Variants in ARHGAP18 observed in about 807,000 individuals in gnomAD.
ARHGAP18 encodes the protein rho GTPase-activating protein 18.
ARHGAP18 carries 67 observed loss-of-function variants against 86.2 expected under a neutral mutation model. That is an observed-to-expected ratio of 0.78 (90% CI 0.64 to 0.95). The LOEUF (loss-of-function observed/expected upper bound fraction) is 0.95. Ranked by LOEUF, ARHGAP18 falls within the 40% of genes least tolerant of loss-of-function variation. The pLI is 0.00. For synonymous variants in ARHGAP18, 283 were observed against 280.4 expected (o/e 1.01, Z -0.09); for missense variants, 691 against 780.4 (o/e 0.89, Z 1.37).
chr6:129,640,056 AAAAAAAAACAAAC>A (rs1246332871), intron 2 of ARHGAP18, among the ~76,000 whole-genome samples: 20 of 151,304 alleles, frequency 1.3e-4, no homozygotes, highest in Non-Finnish European at 2.5e-4. Context: ...AAAAAAAAAA[AAAAAAAAACAAAC>A]AAAAGTCAGC....
chr6:129,599,271 T>C lies in ARHGAP18; in HGVS notation c.1658A>G (p.Lys553Arg). 6.3e-7 allele frequency: 1 copy of C among 1,596,718 alleles called. No homozygotes were observed. Among genetic ancestry groups the C allele is most frequent in the Non-Finnish European group, 8.5e-7 (1 of 1,174,052 alleles). Reference protein sequence around the residue: ...KDKRAMKKLLKKMAYDREKYE... With the variant: ...KDKRAMKKLLRKMAYDREKYE... ...TTTTTCTCGGTCATAAGCCATTTTC[T>C]TCAGCAATTTCTTCATGGCTCTTTT... The change falls in exon 12 of 15, where the codon AAG becomes AGG. Residue 553 changes from lysine to arginine, a missense_variant. Physicochemically the swap from Lys to Arg is conservative, Grantham distance 26 (BLOSUM62 2). Transcript: ENST00000368149.
chr6:129,701,032 C>T (rs1000273311), intron 1 of ARHGAP18, among the ~76,000 whole-genome samples: 1 of 151,522 alleles, frequency 6.6e-6, no homozygotes, highest in Non-Finnish European at 1.5e-5. Flanking sequence ...AAGTTCTCAC[C>T]CTCAATGAAC....
At position 129,660,923 on chromosome 6, in the gene ARHGAP18, A is replaced by T. The variant is rs186588241; in HGVS notation, c.114-18905T>A. Among the ~76,000 whole-genome samples, 22 of 152,048 alleles carry T rather than the reference A, an allele frequency of 1.4e-4. No individual in the cohort carries two copies. The East Asian group carries it at 4.3e-3, about 29-fold the overall frequency. ...ATGTTTGGAATTGAAATAAAGAATC[A>T]TCATAAAGGTCTACAATGACTTTCT... On this transcript the variant is annotated intron_variant, in intron 1 of 14. Transcript: ENST00000368149.
intron 1 of ARHGAP18, among the ~76,000 whole-genome samples, chr6:129,698,184 C>G (rs1351006909): frequency 6.6e-6 from 1 of 152,126 alleles, no homozygotes; most frequent in East Asian, 1.9e-4. Flanking sequence ...GGAATTTGTA[C>G]ACTTATTTTT....
intron 12 of ARHGAP18, chr6:129,596,833 A>T (rs1226797568): frequency 6.6e-6 from 1 of 152,176 alleles, no homozygotes; most frequent in African/African-American, 2.4e-5. Flanking sequence ...AACGGCTCCT[A>T]CTCAAATCCA....
chr6:129,636,145 T>C (rs1773329870), intron 3 of ARHGAP18, among the ~76,000 whole-genome samples: 1 of 152,246 alleles, frequency 6.6e-6, no homozygotes, highest in East Asian at 1.9e-4. Context: ...ACCAGTCCAG[T>C]CCTTTAACAC....
intron 1 of ARHGAP18, among the ~76,000 whole-genome samples, chr6:129,648,813 T>C (rs1349607865): frequency 6.6e-6 from 1 of 152,152 alleles, no homozygotes; most frequent in East Asian, 1.9e-4. Flanking sequence ...GTAATCACTA[T>C]CATGGTGAGA....
chr6:129,632,203 A>G (rs1179027880), intron 4 of ARHGAP18, among the ~76,000 whole-genome samples: 1 of 152,198 alleles, frequency 6.6e-6, no homozygotes, highest in East Asian at 1.9e-4. Flanking sequence ...AGAGCATGGC[A>G]TTGCCCAGAA....
intron 13 of ARHGAP18, among the ~76,000 whole-genome samples, chr6:129,581,570 G>A (rs908160354): frequency 3.9e-5 from 6 of 152,056 alleles, no homozygotes; most frequent in African/African-American, 1.2e-4. Flanking sequence ...TCAAGTACCT[G>A]TGTTCTACTT....
At chr6:129,653,550 G>A (rs9402157) in intron 1 of ARHGAP18, among the ~76,000 whole-genome samples, 32,502 of 152,056 alleles carry the variant, frequency 0.21, 3,519 homozygotes, top group Middle Eastern at 0.23. Context: ...ATTTAGCCAA[G>A]CTTAGAAACA....
chr6:129,615,121 A>C (rs1206723479), intron 7 of ARHGAP18, among the ~76,000 whole-genome samples: 1 of 152,212 alleles, frequency 6.6e-6, no homozygotes, highest in Non-Finnish European at 1.5e-5. Flanking sequence ...CTAATACCCC[A>C]GGAAAGGATG....
intron 1 of ARHGAP18, among the ~76,000 whole-genome samples, chr6:129,660,266 G>C (rs537835092): frequency 1.9e-4 from 29 of 152,354 alleles, no homozygotes; most frequent in African/African-American, 5.3e-4. Context: ...CTGGGGCCAA[G>C]ATGCTGTGGC....
At chr6:129,668,362 T>TCACACACACACACACACACACA (rs35153109) in intron 1 of ARHGAP18, among the ~76,000 whole-genome samples, 3 of 137,848 alleles carry the variant, frequency 2.2e-5, no homozygotes, top group Admixed American at 7.4e-5. Context: ...ACCCAAATAA[T>TCACACACACACACACACACACA]CACACACACA....
At chr6:129,635,128 C>A (rs1426141771) in intron 3 of ARHGAP18, among the ~76,000 whole-genome samples, 1 of 152,110 alleles carries the variant, frequency 6.6e-6, no homozygotes, top group Non-Finnish European at 1.5e-5. Context: ...ATTCAGAGGT[C>A]AGGAAGAAGA....
chr6:129,690,806 A>T (rs1322749329), intron 1 of ARHGAP18, among the ~76,000 whole-genome samples: 1 of 152,236 alleles, frequency 6.6e-6, no homozygotes, highest in East Asian at 1.9e-4. Flanking sequence ...ATGCTTTCAC[A>T]ATTTCAAATA....
chr6:129,706,823 T>C (rs768098563), intron 1 of ARHGAP18, among the ~76,000 whole-genome samples: 26 of 143,264 alleles, frequency 1.8e-4, no homozygotes, highest in Non-Finnish European at 3.2e-4. Context: ...GAGACGGAGG[T>C]TGCAGTGAGC....
intron 10 of ARHGAP18, 79 bp from the exon 11 acceptor site, chr6:129,600,927 T>A: frequency 7.9e-7 from 1 of 1,267,724 alleles, no homozygotes. Flanking sequence ...ATGCAATTTT[T>A]ATTTCATTGA....
intron 12 of ARHGAP18, among the ~76,000 whole-genome samples, chr6:129,588,551 C>T (rs1429535221): frequency 1.3e-5 from 2 of 152,248 alleles, no homozygotes; most frequent in Admixed American, 1.3e-4. Flanking sequence ...AGACCCCCTC[C>T]CGGCTGCTTT....
At chr6:129,581,170 T>C (rs1223781078) in intron 13 of ARHGAP18, among the ~76,000 whole-genome samples, 1 of 151,964 alleles carries the variant, frequency 6.6e-6, no homozygotes, top group African/African-American at 2.4e-5. Flanking sequence ...GAAGAGAAAA[T>C]CAGGTCTGAC....
Sources: allele counts gnomAD v4.1 joint callset (sites outside exome capture counted in the v4.1 genomes callset), GRCh38; gene constraint gnomAD v4.1.1; transcripts MANE v1.5; gene names NCBI Gene and HGNC (gene_info 2026-07-23, HGNC 2026-07-21).